The following NHSL3 variants were observed in gnomAD, a reference collection of about 807,000 sequenced individuals.
NHSL3 encodes the protein NHS like 3, also known as NHS-like protein 3.
chr1:32,771,588 A>G, the NHSL3 span: 6 of 1,611,928 alleles, frequency 3.7e-6, no homozygotes, highest in Non-Finnish European at 4.2e-6. Context: ...CTGAGCCTGC[A>G]GGCCCTTCAG....
chr1:32,765,620 C>A, the NHSL3 span: 1 of 1,520,376 alleles, frequency 6.6e-7, no homozygotes, highest in Non-Finnish European at 8.8e-7. Flanking sequence ...GAGAGCAGCC[C>A]CTCCCCCTCC....
At chr1:32,769,993 C>G in the NHSL3 span, 4 of 1,605,542 alleles carry the variant, frequency 2.5e-6, no homozygotes, top group Non-Finnish European at 3.4e-6. Flanking sequence ...GATGGGGGCC[C>G]GGGTGTCCCT....
chr1:32,761,470 GAGCTGATGTTCCTCCACCC>G, the NHSL3 span, among the ~76,000 whole-genome samples: 2 of 152,150 alleles, frequency 1.3e-5, no homozygotes, highest in Admixed American at 6.5e-5. Flanking sequence ...GGACCTTGAT[GAGCTGATGTTCCTCCACCC>G]CCATCTTGGC....
At chr1:32,769,973 G>A in the NHSL3 span, 2 of 1,607,720 alleles carry the variant, frequency 1.2e-6, no homozygotes, top group Non-Finnish European at 1.7e-6. Context: ...CGCCCCCGAG[G>A]CACCTCAGGG....
At chr1:32,744,552 ATCT>A in the NHSL3 span, among the ~76,000 whole-genome samples, 5 of 152,172 alleles carry the variant, frequency 3.3e-5, no homozygotes, top group African/African-American at 7.2e-5. Context: ...AGGCTTGAAG[ATCT>A]TCTTGTTCAA....
chr1:32,763,705 G>A, the NHSL3 span, among the ~76,000 whole-genome samples: 1 of 152,132 alleles, frequency 6.6e-6, no homozygotes, highest in African/African-American at 2.4e-5. Flanking sequence ...CCGAGTAGCT[G>A]GAATTACAGG....
chr1:32,772,980 C>T, the NHSL3 span: 1 of 1,276,594 alleles, frequency 7.8e-7, no homozygotes, highest in African/African-American at 1.5e-5. Flanking sequence ...ACAGCAGACA[C>T]AACCTAATAG....
the NHSL3 span, chr1:32,754,288 G>T: frequency 1.4e-5 from 8 of 583,668 alleles, no homozygotes; most frequent in South Asian, 1.6e-4. Context: ...GTGTGGGGGG[G>T]TCGGGAATCC....
the NHSL3 span, among the ~76,000 whole-genome samples, chr1:32,760,254 C>G: frequency 9.8e-5 from 15 of 152,294 alleles, no homozygotes; most frequent in South Asian, 8.3e-4. Context: ...TGCCCTCCCC[C>G]TTCATTCCTC....
chr1:32,752,238 A>G, the NHSL3 span, among the ~76,000 whole-genome samples: 10 of 150,814 alleles, frequency 6.6e-5, no homozygotes, highest in African/African-American at 2.4e-4. Flanking sequence ...CTCTAGCAAG[A>G]GAAGGGCCTC....
At chr1:32,772,227 G>T in the NHSL3 span, 2 of 1,608,296 alleles carry the variant, frequency 1.2e-6, no homozygotes, top group Admixed American at 1.7e-5. Flanking sequence ...AGGCCCCAAA[G>T]AAGTCACCTA....
the NHSL3 span, among the ~76,000 whole-genome samples, chr1:32,742,446 G>A: frequency 6.6e-6 from 1 of 152,242 alleles, no homozygotes; most frequent in African/African-American, 2.4e-5. Flanking sequence ...AGCAGGAAGT[G>A]CTGGTAGCCC....
the NHSL3 span, among the ~76,000 whole-genome samples, chr1:32,756,447 G>C: frequency 7.2e-6 from 1 of 138,396 alleles, no homozygotes; most frequent in Non-Finnish European, 1.5e-5. Context: ...GAGTTTGAGA[G>C]TAGCTTGGGG....
the NHSL3 span, chr1:32,754,215 G>A: frequency 9.9e-6 from 7 of 708,344 alleles, no homozygotes; most frequent in African/African-American, 1.8e-5. Context: ...CAGGCAGGGA[G>A]GAGGGTCCCT....
the NHSL3 span, chr1:32,772,174 C>T: frequency 1.2e-6 from 2 of 1,613,394 alleles, no homozygotes; most frequent in Non-Finnish European, 1.7e-6. Flanking sequence ...CCAGCGGAAT[C>T]TGGTGGCAGA....
At chr1:32,769,859 C>T in the NHSL3 span, 4 of 1,611,362 alleles carry the variant, frequency 2.5e-6, no homozygotes, top group African/African-American at 5.3e-5. Flanking sequence ...GCTGACCCCA[C>T]CTCCTCCCTG....
At chr1:32,771,931 G>C in the NHSL3 span, 2 of 1,600,714 alleles carry the variant, frequency 1.2e-6, no homozygotes, top group Non-Finnish European at 1.7e-6. Context: ...GGCCCTGTCA[G>C]GGCGGGCCAG....
chr1:32,746,173 A>G, the NHSL3 span, among the ~76,000 whole-genome samples: 2 of 150,772 alleles, frequency 1.3e-5, no homozygotes, highest in Non-Finnish European at 3.0e-5. Flanking sequence ...GGAGCTTGCA[A>G]TGAGCCGAGA....
At chr1:32,767,944 C>A in the NHSL3 span, 2 of 1,613,644 alleles carry the variant, frequency 1.2e-6, no homozygotes, top group Middle Eastern at 1.7e-4. Context: ...GGCTCCGCTC[C>A]CTACAACACC....
Sources: gnomAD v4.1 joint callset for allele counts (sites outside exome capture counted in the v4.1 genomes callset) on GRCh38, gnomAD v4.1.1 for gene constraint, MANE v1.5 for transcripts, NCBI Gene and HGNC (gene_info 2026-07-23, HGNC 2026-07-21) for gene names.